ST6GALNAC3: variants seen among roughly 807,000 people sequenced by gnomAD.
ST6GALNAC3 encodes the protein ST6 N-acetylgalactosaminide alpha-2,6-sialyltransferase 3.
ST6GALNAC3 carries 25 observed loss-of-function variants against 32.7 expected under a neutral mutation model. That is an observed-to-expected ratio of 0.76 (90% CI 0.56 to 1.07). The LOEUF (loss-of-function observed/expected upper bound fraction) is 1.07. Among genes scored for constraint, ST6GALNAC3 ranks in the 50% least tolerant of loss-of-function variants. ST6GALNAC3 has a pLI of 0.00. For missense variants in ST6GALNAC3, 355 were observed against 382.4 expected, an observed-to-expected ratio of 0.93 and a Z score of 0.60; for synonymous variants, 129 against 133.1, an observed-to-expected ratio of 0.97 and a Z score of 0.21.
rs1018576232 is a variant in ST6GALNAC3, at chr1:76,634,302, T to G, written c.*5496T>G. On this transcript the variant is annotated 3_prime_UTR_variant, in exon 5 of 5. Coordinates refer to ENST00000328299, the MANE Select transcript of ST6GALNAC3 (RefSeq NM_152996.4). Reference sequence around the variant, plus strand: ...CAAAAAGATCAAAACGAGGCAATTTTATAGCTTTTTGTTACCTAATCTACA... The same window carrying G: ...CAAAAAGATCAAAACGAGGCAATTTGATAGCTTTTTGTTACCTAATCTACA... 2 of 378,778 alleles carry G rather than the reference T, an allele frequency of 5.3e-6. No homozygotes were observed. Among genetic ancestry groups the G allele is most frequent in the Non-Finnish European group, 7.3e-6 (2 of 275,616 alleles). The allele number at this position is 378,778 out of a possible 1,614,324, so 23.5% of individuals were successfully genotyped here. A position where few individuals can be genotyped will look rare whatever the true frequency, so the allele number is the denominator to read the frequency against.
chr1:76,383,602 C>T (rs755525466), intron 2 of ST6GALNAC3, among the ~76,000 whole-genome samples: 4 of 151,918 alleles, frequency 2.6e-5, no homozygotes, highest in Admixed American at 2.0e-4. Context: ...AGAAGCTGCT[C>T]AGGCAAAAGA....
intron 2 of ST6GALNAC3, among the ~76,000 whole-genome samples, chr1:76,315,358 CAT>C (rs1054477947): frequency 1.4e-4 from 21 of 152,180 alleles, no homozygotes; most frequent in African/African-American, 4.6e-4. Context: ...GAAAATGAAA[CAT>C]GTGACTAAAA....
rs145581187 is a variant in ST6GALNAC3, at chr1:76,484,781, C to T, written c.623+72364C>T. ...TATACTGAATAGGAGTGGTGAGAGA[C>T]GCATCCCTGTCTTGTGCCAGTTTTC... On this transcript the variant is annotated intron_variant, in intron 3 of 4. Coordinates refer to ENST00000328299, the MANE Select transcript of ST6GALNAC3 (RefSeq NM_152996.4). Among the ~76,000 whole-genome samples the T allele has an allele frequency of 6.7e-3, 1,024 of 152,066 alleles. 11 individuals carry two copies. Among genetic ancestry groups the T allele is most frequent in the South Asian group, 0.018 (87 of 4,808 alleles).
At chr1:76,216,821 G>A (rs1655492014) in intron 1 of ST6GALNAC3, among the ~76,000 whole-genome samples, 1 of 152,178 alleles carries the variant, frequency 6.6e-6, no homozygotes, top group African/African-American at 2.4e-5. Flanking sequence ...TTTCTTTGAT[G>A]TGTAAAAATT....
intron 2 of ST6GALNAC3, among the ~76,000 whole-genome samples, chr1:76,386,154 T>C (rs1243204281): frequency 6.6e-6 from 1 of 152,074 alleles, no homozygotes; most frequent in Non-Finnish European, 1.5e-5. Flanking sequence ...AAAAAGTTTA[T>C]GGATTGAATT....
At chr1:76,201,085 T>A (rs980171998) in intron 1 of ST6GALNAC3, among the ~76,000 whole-genome samples, 1 of 152,180 alleles carries the variant, frequency 6.6e-6, no homozygotes, top group African/African-American at 2.4e-5. Context: ...AGGCCAAGAT[T>A]ATTAAATTCT....
intron 1 of ST6GALNAC3, chr1:76,142,854 C>CT (rs1304007708): frequency 4.4e-6 from 2 of 454,424 alleles, no homozygotes; most frequent in East Asian, 1.4e-4. Flanking sequence ...TTTTCATCTG[C>CT]TTCTGGATCA....
intron 1 of ST6GALNAC3, among the ~76,000 whole-genome samples, chr1:76,196,734 A>G (rs1246546981): frequency 6.6e-6 from 1 of 152,062 alleles, no homozygotes; most frequent in Admixed American, 6.5e-5. Context: ...CCAAAGTGCT[A>G]TTACAGGTGT....
chr1:76,127,316 G>A lies in ST6GALNAC3; in HGVS notation c.18+52432G>A, dbSNP rs116775477. On this transcript the variant is annotated intron_variant, in intron 1 of 4. Coordinates refer to ENST00000328299, the MANE Select transcript of ST6GALNAC3 (RefSeq NM_152996.4). ...ATCATTAGTAGCATTTTAATTGGCA[G>A]CAGAGTAATACTGTGTCTACTTTGG... Among the ~76,000 whole-genome samples, 1,123 of 152,274 alleles carry A rather than the reference G, an allele frequency of 7.4e-3. 9 individuals are homozygous for A. Among genetic ancestry groups the A allele is most frequent in the Non-Finnish European group, 0.012 (831 of 68,030 alleles).
chr1:76,364,501 C>T (rs529740521), intron 2 of ST6GALNAC3, among the ~76,000 whole-genome samples: 29 of 151,874 alleles, frequency 1.9e-4, no homozygotes, highest in Non-Finnish European at 2.9e-4. Flanking sequence ...TGCAGTGAGC[C>T]GAGATGGTGG....
At chr1:76,323,662 G>C (rs1484913415) in intron 2 of ST6GALNAC3, among the ~76,000 whole-genome samples, 3 of 152,118 alleles carry the variant, frequency 2.0e-5, no homozygotes, top group Admixed American at 6.5e-5. Flanking sequence ...TTTTCATAAT[G>C]TTAAAGGCTA....
At chr1:76,130,137 A>C (rs1304957423) in intron 1 of ST6GALNAC3, among the ~76,000 whole-genome samples, 1 of 152,218 alleles carries the variant, frequency 6.6e-6, no homozygotes, top group African/African-American at 2.4e-5. Flanking sequence ...TGCTGGGAGC[A>C]TATACATGAG....
intron 1 of ST6GALNAC3, among the ~76,000 whole-genome samples, chr1:76,243,023 C>A (rs1315177773): frequency 1.3e-5 from 2 of 152,124 alleles, no homozygotes; most frequent in African/African-American, 4.8e-5. Context: ...CATTGAGGAA[C>A]CATCACACTG....
At chr1:76,310,644 A>G (rs1432082235) in intron 1 of ST6GALNAC3, among the ~76,000 whole-genome samples, 1 of 152,176 alleles carries the variant, frequency 6.6e-6, no homozygotes, top group Non-Finnish European at 1.5e-5. Flanking sequence ...CTTCCCTAGG[A>G]GAGTCTGCGA....
chr1:76,413,635 C>A (rs570684442), intron 3 of ST6GALNAC3, among the ~76,000 whole-genome samples: 1 of 152,166 alleles, frequency 6.6e-6, no homozygotes, highest in South Asian at 2.1e-4. Flanking sequence ...ACCAAAAATA[C>A]ACAGCTTCAT....
chr1:76,109,459 C>G (rs1186734766), intron 1 of ST6GALNAC3, among the ~76,000 whole-genome samples: 5 of 152,222 alleles, frequency 3.3e-5, no homozygotes, highest in Non-Finnish European at 4.4e-5. Context: ...TTGTCTACAG[C>G]CTTCTGTAAG....
At chr1:76,492,624 G>A (rs1266138011) in intron 3 of ST6GALNAC3, among the ~76,000 whole-genome samples, 1 of 152,124 alleles carries the variant, frequency 6.6e-6, no homozygotes, top group African/African-American at 2.4e-5. Context: ...GTAGTACAAG[G>A]ATGTAGATGC....
chr1:76,341,717 CTTTT>C (rs1648053683), intron 2 of ST6GALNAC3, among the ~76,000 whole-genome samples: 1 of 132,860 alleles, frequency 7.5e-6, no homozygotes, highest in Non-Finnish European at 1.6e-5. Flanking sequence ...TTCTTTCTTT[CTTTT>C]AATTATACTT....
chr1:76,090,297 A>G (rs1310861036), intron 1 of ST6GALNAC3, among the ~76,000 whole-genome samples: 2 of 152,356 alleles, frequency 1.3e-5, no homozygotes, highest in East Asian at 3.9e-4. Context: ...TATACTTAAG[A>G]AGACAATTTA....
Sources: allele counts gnomAD v4.1 joint callset (sites outside exome capture counted in the v4.1 genomes callset), GRCh38; gene constraint gnomAD v4.1.1; transcripts MANE v1.5; gene names NCBI Gene and HGNC (gene_info 2026-07-23, HGNC 2026-07-21).